The following P3H2 variants were observed in gnomAD, a reference collection of about 807,000 sequenced individuals.
P3H2 encodes the protein prolyl 3-hydroxylase 2, also known as leprecan-like 1.
Under a neutral mutation model 87.0 loss-of-function variants are expected in P3H2, and 80 were observed. That is an observed-to-expected ratio of 0.92 (90% CI 0.77 to 1.11). The LOEUF (loss-of-function observed/expected upper bound fraction) is 1.11. Ranked by LOEUF, P3H2 falls within the 50% of genes least tolerant of loss-of-function variation. P3H2 has a pLI of 0.00. For synonymous variants in P3H2, 367 were observed against 359.3 expected (o/e 1.02, Z -0.24); for missense variants, 1,001 against 923.9 (o/e 1.08, Z -1.08).
intron 1 of P3H2, among the ~76,000 whole-genome samples, chr3:190,092,737 G>A (rs1323675921): frequency 2.0e-5 from 3 of 152,080 alleles, no homozygotes; most frequent in African/African-American, 7.2e-5. Flanking sequence ...TTTATTTAAG[G>A]CAATTAAGCA....
At chr3:190,055,254 C>T (rs997315934) in intron 1 of P3H2, among the ~76,000 whole-genome samples, 1 of 152,162 alleles carries the variant, frequency 6.6e-6, no homozygotes, top group Admixed American at 6.5e-5. Flanking sequence ...CAGCAGTCTC[C>T]TCAGTACTTA....
intron 1 of P3H2, among the ~76,000 whole-genome samples, chr3:190,028,651 T>A (rs1202953001): frequency 6.6e-6 from 1 of 152,254 alleles, no homozygotes; most frequent in East Asian, 1.9e-4. Context: ...CAGAATTAAT[T>A]AAAATTCTGT....
intron 1 of P3H2, among the ~76,000 whole-genome samples, chr3:190,004,001 T>C (rs367634918): frequency 4.6e-5 from 7 of 152,376 alleles, no homozygotes; most frequent in African/African-American, 1.7e-4. Context: ...ATGGTAGTAG[T>C]CATTACTTTA....
chr3:190,077,235 T>C (rs1726900934), intron 1 of P3H2, among the ~76,000 whole-genome samples: 1 of 152,194 alleles, frequency 6.6e-6, no homozygotes, highest in Non-Finnish European at 1.5e-5. Context: ...CCTGGTCTCC[T>C]AGCAACACTG....
chr3:190,054,355 A>T (rs554260000), intron 1 of P3H2, among the ~76,000 whole-genome samples: 63 of 152,226 alleles, frequency 4.1e-4, no homozygotes, highest in African/African-American at 1.4e-3. Flanking sequence ...ATCAGCCACG[A>T]CACAGACTGA....
At chr3:189,995,513 C>A in intron 1 of P3H2, 71 bp from the exon 2 acceptor site, 7 of 1,434,710 alleles carry the variant, frequency 4.9e-6, no homozygotes, top group Non-Finnish European at 5.7e-6. Context: ...ATACAAAGAT[C>A]AATCCAAAAT....
intron 1 of P3H2, among the ~76,000 whole-genome samples, chr3:190,073,489 C>T (rs59199972): frequency 0.073 from 11,139 of 152,118 alleles, 1,135 homozygotes; most frequent in African/African-American, 0.21. Flanking sequence ...CATGCTTGAG[C>T]ATAGATGGTA....
At chr3:190,024,206 T>C (rs941260934) in intron 1 of P3H2, among the ~76,000 whole-genome samples, 1 of 151,928 alleles carries the variant, frequency 6.6e-6, no homozygotes, top group Non-Finnish European at 1.5e-5. Context: ...AATATATAAA[T>C]GTTAGCAAAA....
intron 14 of P3H2, among the ~76,000 whole-genome samples, chr3:189,962,429 C>A (rs1722847169): frequency 6.6e-6 from 1 of 152,134 alleles, no homozygotes; most frequent in South Asian, 2.1e-4. Context: ...CCCACCTAGG[C>A]CTCCAAAAGT....
Position 189,992,276 on chromosome 3 carries a change from A to C in P3H2, c.823+1818T>G, listed in dbSNP as rs143247023. 4.5e-3 allele frequency among the ~76,000 whole-genome samples: 690 copies of C among 152,102 alleles called. 6 individuals are homozygous for C. The highest frequency in any genetic ancestry group is 0.016 in the African/African-American group (646 of 41,494). ...CACCTGCCTAATTTTTTATATTTTT[A>C]GTAGAGATGGGGTTTCACCATGTTG... is the stretch of plus-strand genomic sequence containing the variant. On this transcript the variant is annotated intron_variant, in intron 3 of 14. Transcript: ENST00000319332.
At chr3:190,050,394 C>T (rs567601235) in intron 1 of P3H2, among the ~76,000 whole-genome samples, 14 of 152,278 alleles carry the variant, frequency 9.2e-5, no homozygotes, top group African/African-American at 2.9e-4. Flanking sequence ...TAAATGAATG[C>T]ATCAAATTAA....
chr3:190,071,946 A>G (rs1450930653), intron 1 of P3H2, among the ~76,000 whole-genome samples: 4 of 152,002 alleles, frequency 2.6e-5, no homozygotes, highest in Non-Finnish European at 5.9e-5. Flanking sequence ...TTATACTGAT[A>G]ATAAAAAATG....
intron 1 of P3H2, among the ~76,000 whole-genome samples, chr3:190,026,888 A>G (rs1171904610): frequency 6.8e-6 from 1 of 147,480 alleles, no homozygotes; most frequent in Non-Finnish European, 1.5e-5. Context: ...AGTGTGTAGT[A>G]TTTATCAAAA....
At chr3:190,113,564 T>C (rs1712153836) in intron 1 of P3H2, among the ~76,000 whole-genome samples, 1 of 152,214 alleles carries the variant, frequency 6.6e-6, no homozygotes, top group Non-Finnish European at 1.5e-5. Flanking sequence ...AGTCATTATA[T>C]CAAATCCAGC....
rs143105580 is a variant in P3H2, at chr3:189,988,972, C to T, written c.890G>A (p.Arg297His). The change falls in exon 4 of 15, where the codon CGC (arginine) becomes CAC (histidine). Residue 297 changes from arginine (R) to histidine (H), a missense_variant. Arg to His is a conservative substitution (Grantham distance 29, BLOSUM62 0). Coordinates refer to ENST00000319332, the MANE Select transcript of P3H2 (RefSeq NM_018192.4). ...CVRELATRPG[R>H]LSPIENFLPL... ...AAGAAAATTCTCGATGGGAGAGAGGCGGCCAGGGCGGGTGGCAAGTTCCCT... is the reference window on the plus strand; with the variant it reads ...AAGAAAATTCTCGATGGGAGAGAGGTGGCCAGGGCGGGTGGCAAGTTCCCT... 20 of 1,613,870 alleles carry T rather than the reference C, an allele frequency of 1.2e-5. No individual in the cohort carries two copies. Among genetic ancestry groups the T allele is most frequent in the African/African-American group, 8.0e-5 (6 of 74,860 alleles).
chr3:190,023,469 T>C (rs554372137), intron 1 of P3H2, among the ~76,000 whole-genome samples: 1 of 152,240 alleles, frequency 6.6e-6, no homozygotes, highest in Admixed American at 6.5e-5. Context: ...ATGAACCTTC[T>C]TTACGAGGCG....
chr3:190,056,906 C>A (rs150446129), intron 1 of P3H2, among the ~76,000 whole-genome samples: 3 of 152,258 alleles, frequency 2.0e-5, no homozygotes, highest in Admixed American at 1.3e-4. Context: ...GCTTCCCAAG[C>A]CTCAACTGTT....
At chr3:189,969,665 G>T in intron 13 of P3H2, 1 of 1,222,442 alleles carries the variant, frequency 8.2e-7, no homozygotes, top group Non-Finnish European at 1.2e-6. Context: ...AGCCAGGATG[G>T]TGTGCTGCCT....
intron 1 of P3H2, among the ~76,000 whole-genome samples, chr3:189,996,985 A>G (rs1466818679): frequency 6.6e-5 from 10 of 152,234 alleles, no homozygotes; most frequent in Non-Finnish European, 1.5e-5. Context: ...GCAATGATAT[A>G]TTTTTAAAAA....
Sources: allele counts gnomAD v4.1 joint callset (sites outside exome capture counted in the v4.1 genomes callset), GRCh38; gene constraint gnomAD v4.1.1; transcripts MANE v1.5; gene names NCBI Gene and HGNC (gene_info 2026-07-23, HGNC 2026-07-21).